SYT6: variants seen among roughly 807,000 people sequenced by gnomAD.
SYT6 encodes the protein synaptotagmin 6, also known as synaptotagmin-6.
A neutral mutation model predicts 38.4 loss-of-function variants in SYT6; 24 were observed. The ratio of observed to expected loss-of-function variants is 0.62; its 90% CI spans 0.45 to 0.88. The LOEUF is 0.88. SYT6 is among the 40% of genes least tolerant of loss of function. The pLI, the probability that SYT6 is intolerant of heterozygous loss-of-function variation, is 0.00. For missense variants in SYT6, 611 were observed against 621.0 expected (o/e 0.98, Z 0.17); for synonymous variants, 265 against 241.9 (o/e 1.10, Z -0.89).
At chr1:114,127,005 G>A (rs768576543) in intron 3 of SYT6, among the ~76,000 whole-genome samples, 1 of 152,230 alleles carries the variant, frequency 6.6e-6, no homozygotes, top group Non-Finnish European at 1.5e-5. Flanking sequence ...AGCAGAGAAG[G>A]ATCTTTTGTG....
intron 3 of SYT6, among the ~76,000 whole-genome samples, chr1:114,120,070 CAAA>C (rs34846994): frequency 4.9e-5 from 6 of 121,858 alleles, no homozygotes; most frequent in Admixed American, 4.3e-4. Flanking sequence ...GACTCTGTCT[CAAA>C]AAAAAAAAAA....
chr1:114,122,943 C>T (rs760190625), intron 3 of SYT6, among the ~76,000 whole-genome samples: 1 of 152,200 alleles, frequency 6.6e-6, no homozygotes, highest in Non-Finnish European at 1.5e-5. Context: ...GGGCCCTGCC[C>T]GCCCAGCACA....
chr1:114,125,811 A>G (rs1276741307), intron 3 of SYT6, among the ~76,000 whole-genome samples: 1 of 152,156 alleles, frequency 6.6e-6, no homozygotes, highest in East Asian at 1.9e-4. Flanking sequence ...CACTTTGATA[A>G]ACGGCCTCTT....
intron 3 of SYT6, among the ~76,000 whole-genome samples, chr1:114,113,499 G>C (rs1676810867): frequency 6.6e-6 from 1 of 152,116 alleles, no homozygotes; most frequent in African/African-American, 2.4e-5. Context: ...AAACTTCTCA[G>C]AGGCTCAAAG....
intron 1 of SYT6, among the ~76,000 whole-genome samples, chr1:114,149,217 T>TTGTGTGTGTGTGTG (rs879834403): frequency 7.9e-5 from 3 of 38,016 alleles, no homozygotes; most frequent in African/African-American, 3.6e-4. Flanking sequence ...GAGAGAGAGA[T>TTGTGTGTGTGTGTG]TGTGTGTGTG....
chr1:114,122,506 T>TGTGTGCGCGCGC (rs60780339), intron 3 of SYT6, among the ~76,000 whole-genome samples: 4 of 147,288 alleles, frequency 2.7e-5, no homozygotes, highest in Non-Finnish European at 4.5e-5. Flanking sequence ...TGTGTGTGTG[T>TGTGTGCGCGCGC]GCGCGCACAT....
rs539082580 is a variant in SYT6, at chr1:114,090,503, C to G, written c.*1631G>C. The G allele has an allele frequency of 1.3e-5, 2 of 152,472 alleles. No homozygotes were observed. The highest frequency in any genetic ancestry group is 4.8e-5 in the African/African-American group (2 of 41,582). The allele number at this position is 152,472 out of a possible 1,614,324, so 9.4% of individuals were successfully genotyped here. A position where few individuals can be genotyped will look rare whatever the true frequency, so the allele number is the denominator to read the frequency against. Reference sequence around the variant, plus strand: ...TTCTATCAGCAGAGAAATCTGACAACTTGGTTTAAAATGAGGGATACTTTA... The same window carrying G: ...TTCTATCAGCAGAGAAATCTGACAAGTTGGTTTAAAATGAGGGATACTTTA... On this transcript the variant is annotated 3_prime_UTR_variant, in exon 8 of 8. Transcript: ENST00000610222.
chr1:114,093,727 G>A lies in SYT6; in HGVS notation c.*51+8C>T, dbSNP rs1557726241. The A allele has an allele frequency of 1.2e-6, 2 of 1,613,298 alleles. No individual in the cohort carries two copies. The highest frequency in any genetic ancestry group is 8.5e-7 in the Non-Finnish European group (1 of 1,179,628). Reference sequence around the variant, plus strand: ...CCTAACGTCTTTGGGTCCACACCAGGTACTTACTCCTAACTCCAGGTGGCA... The same window carrying A: ...CCTAACGTCTTTGGGTCCACACCAGATACTTACTCCTAACTCCAGGTGGCA... On this transcript the variant is annotated splice_region_variant and intron_variant, in intron 7 of 7. Transcript: ENST00000610222.
intron 3 of SYT6, among the ~76,000 whole-genome samples, chr1:114,122,756 G>A (rs937512421): frequency 7.2e-5 from 11 of 152,238 alleles, no homozygotes; most frequent in Admixed American, 3.3e-4. Flanking sequence ...CACTAAAAAC[G>A]CCCTTTCAGC....
intron 1 of SYT6, among the ~76,000 whole-genome samples, chr1:114,141,596 C>A (rs568264073): frequency 6.6e-6 from 1 of 152,328 alleles, no homozygotes; most frequent in Non-Finnish European, 1.5e-5. Flanking sequence ...TTCAGAAGAT[C>A]TAACTAAGAT....
At chr1:114,092,903 T>C (rs1458625474) in intron 7 of SYT6, among the ~76,000 whole-genome samples, 2 of 152,226 alleles carry the variant, frequency 1.3e-5, no homozygotes, top group African/African-American at 4.8e-5. Context: ...GGCTTTATGT[T>C]AATAACTTCA....
At chr1:114,115,576 C>T (rs189749868) in intron 3 of SYT6, among the ~76,000 whole-genome samples, 30 of 151,966 alleles carry the variant, frequency 2.0e-4, no homozygotes, top group Middle Eastern at 6.8e-3. Context: ...GCCACCATGC[C>T]GGGCTGATTT....
At chr1:114,095,893 C>A (rs1159289023) in intron 6 of SYT6, among the ~76,000 whole-genome samples, 1 of 152,078 alleles carries the variant, frequency 6.6e-6, no homozygotes, top group Non-Finnish European at 1.5e-5. Flanking sequence ...ATCTCCTGAC[C>A]TCATGATCCA....
At chr1:114,138,609 C>T (rs531527735) in intron 2 of SYT6, among the ~76,000 whole-genome samples, 1 of 152,100 alleles carries the variant, frequency 6.6e-6, no homozygotes, top group Admixed American at 6.5e-5. Flanking sequence ...CCTCTCTGTG[C>T]CATAAAAACG....
At chr1:114,117,606 C>T (rs907680823) in intron 3 of SYT6, among the ~76,000 whole-genome samples, 1 of 152,212 alleles carries the variant, frequency 6.6e-6, no homozygotes, top group Non-Finnish European at 1.5e-5. Context: ...CTGGCTCTTT[C>T]TTCCCTCCCA....
intron 3 of SYT6, among the ~76,000 whole-genome samples, chr1:114,128,322 T>C (rs1677865838): frequency 6.6e-6 from 1 of 152,212 alleles, no homozygotes; most frequent in African/African-American, 2.4e-5. Context: ...ACTGAGCCTT[T>C]CTGCAAATTT....
chr1:114,118,329 T>C (rs188669306), intron 3 of SYT6, among the ~76,000 whole-genome samples: 83 of 152,302 alleles, frequency 5.4e-4, no homozygotes, highest in Non-Finnish European at 1.0e-3. Context: ...CAGGTGACAC[T>C]AATAGTTATT....
intron 4 of SYT6, among the ~76,000 whole-genome samples, chr1:114,100,323 C>T (rs113914420): frequency 6.6e-6 from 1 of 152,200 alleles, no homozygotes; most frequent in African/African-American, 2.4e-5. Flanking sequence ...GTGAATCTGT[C>T]AGGAGGTGCC....
At chr1:114,106,235 C>T (rs1676305451) in intron 3 of SYT6, among the ~76,000 whole-genome samples, 1 of 152,054 alleles carries the variant, frequency 6.6e-6, no homozygotes, top group Non-Finnish European at 1.5e-5. Flanking sequence ...TCTTTAGATT[C>T]AGTGAGCACA....
Sources: allele counts gnomAD v4.1 joint callset (sites outside exome capture counted in the v4.1 genomes callset), GRCh38; gene constraint gnomAD v4.1.1; transcripts MANE v1.5; gene names NCBI Gene and HGNC (gene_info 2026-07-23, HGNC 2026-07-21).